Variants in MIER2 observed in about 807,000 individuals in gnomAD.
MIER2 encodes mesoderm induction early response protein 2.
A neutral mutation model predicts 67.6 loss-of-function variants in MIER2; 30 were observed. The ratio of observed to expected loss-of-function variants is 0.44; its 90% confidence interval spans 0.33 to 0.60. MIER2 has a LOEUF of 0.60. MIER2 is among the 20% of genes least tolerant of loss of function. The pLI is 0.02. For synonymous variants in MIER2, 372 were observed against 312.6 expected (o/e 1.19, Z -2.00); for missense variants, 702 against 745.1 (o/e 0.94, Z 0.67).
intron 3 of MIER2, 52 bp downstream of exon 3, chr19:334,348 T>C: frequency 6.2e-7 from 1 of 1,608,248 alleles, no homozygotes; most frequent in Non-Finnish European, 8.5e-7. Flanking sequence ...TCATGAGGCT[T>C]ACCCCGGAGG....
At chr19:320,660 A>C (rs1280879097) in intron 7 of MIER2, among the ~76,000 whole-genome samples, 3 of 152,168 alleles carry the variant, frequency 2.0e-5, no homozygotes, top group African/African-American at 7.2e-5. Flanking sequence ...CCAGGGAGGC[A>C]GGCAGCACAC....
intron 1 of MIER2, among the ~76,000 whole-genome samples, chr19:342,198 G>A (rs1972536772): frequency 6.6e-6 from 1 of 152,194 alleles, no homozygotes; most frequent in Admixed American, 6.5e-5. Flanking sequence ...TGTTCCCTGG[G>A]CGCCCACTCT....
intron 2 of MIER2, among the ~76,000 whole-genome samples, chr19:335,689 G>A (rs571876414): frequency 2.0e-5 from 3 of 152,320 alleles, no homozygotes; most frequent in East Asian, 3.9e-4. Context: ...CAGCAGCGCA[G>A]GGAGGTGCAG....
chr19:323,013 C>T (rs4897850), intron 7 of MIER2, among the ~76,000 whole-genome samples: 9,593 of 150,786 alleles, frequency 0.064, 780 homozygotes, highest in African/African-American at 0.18. Context: ...AGGACCACAA[C>T]GCAATACACA....
In MIER2 at chr19:311,816, C is replaced by T. The variant is rs1387532671; in HGVS notation, c.984+29G>A. On this transcript the variant is annotated intron_variant, in intron 10 of 13. Coordinates refer to ENST00000264819, the MANE Select transcript of MIER2 (RefSeq NM_017550.3). ...AGCCCCTCCCCAGATCGAGAAGCCC[C>T]CGGTGGAGCCTGGCAGTGGAGTCCG... The T allele has an allele frequency of 1.9e-6, 3 of 1,611,462 alleles. No individual in the cohort carries two copies. In the African/African-American group the frequency reaches 4.0e-5, roughly 22 times the overall value.
At chr19:320,628 A>T (rs1212990924) in intron 7 of MIER2, among the ~76,000 whole-genome samples, 1 of 152,082 alleles carries the variant, frequency 6.6e-6, no homozygotes, top group African/African-American at 2.4e-5. Context: ...AGGAGCGCAA[A>T]TCCCACTGTG....
At chr19:318,710 A>T (rs201977419) in intron 7 of MIER2, among the ~76,000 whole-genome samples, 1 of 152,232 alleles carries the variant, frequency 6.6e-6, no homozygotes, top group Non-Finnish European at 1.5e-5. Flanking sequence ...CTAATTACAA[A>T]GAACTGAAAT....
chr19:316,377 CCA>C (rs1489967262), intron 7 of MIER2, among the ~76,000 whole-genome samples: 1 of 152,060 alleles, frequency 6.6e-6, no homozygotes, highest in African/African-American at 2.4e-5. Context: ...ACTGCAACCT[CCA>C]TCTCCGGGGT....
chr19:310,614 A>G (rs1421829756), intron 10 of MIER2, among the ~76,000 whole-genome samples: 29 of 138,034 alleles, frequency 2.1e-4, no homozygotes, highest in Non-Finnish European at 2.4e-4. Flanking sequence ...GGAGCTATAG[A>G]AACACAGCCC....
rs898836351 is a variant in MIER2 at position 323,923 on chromosome 19, G to A, written c.655+1712C>T. Among the ~76,000 whole-genome samples the A allele has an allele frequency of 6.9e-5, 10 of 145,982 alleles. No homozygotes were observed. The South Asian group carries it at 1.3e-3, about 19-fold the overall frequency. On this transcript the variant is annotated intron_variant, in intron 7 of 13. Transcript: ENST00000264819. Reference sequence around the variant, plus strand: ...CACAGACGACTCGAAGGACATAGGCGTCATCACAATGCAATAAAGACACAC... The same window carrying A: ...CACAGACGACTCGAAGGACATAGGCATCATCACAATGCAATAAAGACACAC...
intron 1 of MIER2, chr19:344,333 G>A (rs969765511): frequency 5.3e-5 from 52 of 984,754 alleles, no homozygotes; most frequent in Admixed American, 6.2e-5. Context: ...GGAGCGCGGG[G>A]CGCCTGGCGG....
intron 10 of MIER2, among the ~76,000 whole-genome samples, 168 bp from the exon 11 acceptor site, chr19:309,093 G>A (rs1486606268): frequency 2.0e-5 from 3 of 152,038 alleles, no homozygotes; most frequent in Non-Finnish European, 4.4e-5. Flanking sequence ...CAGGCCACAG[G>A]CTATGCCCAC....
At chr19:317,809 A>AT (rs369099313) in intron 7 of MIER2, among the ~76,000 whole-genome samples, 106 of 152,164 alleles carry the variant, frequency 7.0e-4, no homozygotes, top group African/African-American at 2.5e-3. Flanking sequence ...AGATGGTGGC[A>AT]TTACACAATT....
Position 327,139 on chromosome 19 carries a change from T to C in MIER2, c.487A>G (p.Ser163Gly), listed in dbSNP as rs762665176. Residue 163 changes from serine to glycine, a missense_variant, in exon 5 of 14, where the codon AGT (serine) becomes GGT (glycine). Physicochemically the swap from Ser to Gly is moderately conservative, Grantham distance 56. This residue lies in a region of MIER2 where 320 missense variants were observed against 292.6 expected (regional missense o/e 1.09). Transcript: ENST00000264819. ...TGGGGACAGAGTCACCTACATCCACTCCGGTTAGGGAAGAGGTCGGAGGCC... is the reference window on the plus strand; with the variant it reads ...TGGGGACAGAGTCACCTACATCCACCCCGGTTAGGGAAGAGGTCGGAGGCC... Reference protein sequence around the residue: ...HEASDLFPNRSGSRFLADEDR... With the variant: ...HEASDLFPNRGGSRFLADEDR... The C allele has an allele frequency of 7.6e-6, 12 of 1,580,870 alleles. No homozygotes were observed. In the East Asian group the frequency reaches 2.7e-4, roughly 36 times the overall value.
At chr19:340,570 T>G (rs954922469) in intron 1 of MIER2, 2 of 153,104 alleles carry the variant, frequency 1.3e-5, no homozygotes, top group African/African-American at 2.4e-5. Context: ...CATCTTCACG[T>G]TGAGTAGGCT....
Position 336,172 on chromosome 19 carries a change from G to C in MIER2, c.11C>G (p.Ala4Gly), listed in dbSNP as rs1439608766. The change falls in exon 2 of 14, where the codon GCC becomes GGC. Residue 4 changes from alanine (A) to glycine (G), a missense_variant and splice_region_variant. Ala to Gly is a moderately conservative substitution (Grantham distance 60, BLOSUM62 0). Coordinates refer to ENST00000264819, the MANE Select transcript of MIER2 (RefSeq NM_017550.3). ...AGGACTCTGCCTCCCCAGCGAGGAG[G>C]CCTGCGAAGGAAGAGAGGCAGGGTT... MAEASSLGRQSPRV... is the reference protein window; with the variant it reads MAEGSSLGRQSPRV... 1 of 1,612,562 alleles carries C rather than the reference G, an allele frequency of 6.2e-7. No individual in the cohort carries two copies. The highest frequency in any genetic ancestry group is 1.3e-5 in the African/African-American group (1 of 75,048).
Position 308,507 on chromosome 19 carries a change from C to A in MIER2, c.1198+70G>T. ...CACAGGGCGCCAGGCAGGAGAGGCT[C>A]CACCGGGCCTCACTCACGGCTCCAG... is the stretch of plus-strand genomic sequence containing the variant. On this transcript the variant is annotated intron_variant, in intron 12 of 13. Coordinates refer to ENST00000264819, the MANE Select transcript of MIER2 (RefSeq NM_017550.3). This position sits in a 1 kb window ranked among gnomAD's most constrained non-coding sequence, Gnocchi z 9.1. 6.8e-7 allele frequency: 1 copy of A among 1,473,548 alleles called. No individual in the cohort carries two copies. Among genetic ancestry groups the A allele is most frequent in the Admixed American group, 2.1e-5 (1 of 48,506 alleles). 91.3% of individuals were successfully genotyped at this position (1,473,548 alleles called of 1,614,324 possible).
rs546785742 is a variant in MIER2, at chr19:308,998, C to T, written c.985-73G>A. On this transcript the variant is annotated intron_variant, in intron 10 of 13. Coordinates refer to ENST00000264819, the MANE Select transcript of MIER2 (RefSeq NM_017550.3). The surrounding 1 kb of genome is among the most constrained non-coding windows in gnomAD (Gnocchi z 9.1). ...CAGCACCTGCACCACGATCCCAGGA[C>T]GTCCTGGGACCCCGGGACAGCACAG... The T allele has an allele frequency of 1.1e-4, 168 of 1,550,748 alleles. 1 individual carries two copies. The African/African-American group carries it at 1.5e-3, about 14-fold the overall frequency.
chr19:342,054 C>T (rs1972530830), intron 1 of MIER2, among the ~76,000 whole-genome samples: 1 of 152,150 alleles, frequency 6.6e-6, no homozygotes, highest in Admixed American at 6.5e-5. Context: ...CTCTCCCATG[C>T]CCCAAGCCCT....
Sources: gnomAD v4.1 joint callset for allele counts (sites outside exome capture counted in the v4.1 genomes callset) on GRCh38, gnomAD v4.1.1 for gene constraint, gnomAD v4.1.1 regional missense constraint, Gnocchi (gnomAD v3.1) non-coding constraint, MANE v1.5 for transcripts, NCBI Gene and HGNC (gene_info 2026-07-23, HGNC 2026-07-21) for gene names.